CHMP3: variants seen among roughly 807,000 people sequenced by gnomAD.
The protein encoded by CHMP3 is 25.1 protein.
CHMP3 carries 8 observed loss-of-function variants against 27.4 expected under a neutral mutation model. The ratio of observed to expected loss-of-function variants is 0.29; its 90% CI spans 0.17 to 0.53. The LOEUF (loss-of-function observed/expected upper bound fraction) is 0.53, where lower values mean the gene tolerates loss of function less well. Ranked by LOEUF, CHMP3 falls within the 20% of genes least tolerant of loss-of-function variation. CHMP3 has a pLI of 0.96. For missense variants in CHMP3, 208 were observed against 271.5 expected, an observed-to-expected ratio of 0.77 and a Z score of 1.64; for synonymous variants, 86 against 85.5, an observed-to-expected ratio of 1.01 and a Z score of -0.03.
chr2:86,554,816 C>CAT (rs1553409364), intron 1 of CHMP3, among the ~76,000 whole-genome samples: 12 of 145,384 alleles, frequency 8.3e-5, no homozygotes, highest in Non-Finnish European at 1.5e-4. Flanking sequence ...TGTGTGCGCG[C>CAT]GTGTGTGTGT....
At position 86,505,852 on chromosome 2, in the gene CHMP3, T is replaced by A. The variant is rs937688635; in HGVS notation, c.621A>T (p.Glu207Asp). 4 of 1,603,444 alleles carry A rather than the reference T, an allele frequency of 2.5e-6. No homozygotes were observed. The Admixed American group carries it at 6.8e-5, about 27-fold the overall frequency. Residue 207 changes from glutamate to aspartate, a missense_variant, in exon 6 of 6, where the codon GAA (glutamate) becomes GAT (aspartate). Physicochemically the swap from Glu to Asp is conservative, Grantham distance 45. This residue lies in a region of CHMP3 where 62 missense variants were observed against 68.4 expected (regional missense o/e 0.91). Coordinates refer to ENST00000263856, the MANE Select transcript of CHMP3 (RefSeq NM_016079.4). ...MAASEDEEEE[E>D]EALEAMQSRL... Reference sequence around the variant, plus strand: ...GGGACTGCATGGCCTCCAGAGCCTCTTCCTCCTCCTCCTCATCCTCTGAGG... The same window carrying A: ...GGGACTGCATGGCCTCCAGAGCCTCATCCTCCTCCTCCTCATCCTCTGAGG...
chr2:86,532,792 C>T (rs377240311), intron 2 of CHMP3, among the ~76,000 whole-genome samples: 1 of 152,060 alleles, frequency 6.6e-6, no homozygotes, highest in African/African-American at 2.4e-5. Context: ...TCCCACTGGC[C>T]GTGATGTATA....
At chr2:86,551,702 C>A (rs904446604) in intron 1 of CHMP3, among the ~76,000 whole-genome samples, 9 of 152,196 alleles carry the variant, frequency 5.9e-5, no homozygotes, top group Admixed American at 3.3e-4. Flanking sequence ...AACTGAGCTT[C>A]CCTCTTTGCT....
intron 1 of CHMP3, among the ~76,000 whole-genome samples, chr2:86,543,218 T>C (rs1353554455): frequency 1.3e-5 from 2 of 152,230 alleles, no homozygotes. Context: ...TGGCATTTTT[T>C]AAAAGTCCAT....
chr2:86,535,994 C>CTTTTTTTTTT (rs60555193), intron 2 of CHMP3, among the ~76,000 whole-genome samples: 1 of 111,540 alleles, frequency 9.0e-6, no homozygotes, highest in African/African-American at 3.5e-5. Context: ...ATAAACCTTT[C>CTTTTTTTTTT]TTTTTTTTTT....
intron 3 of CHMP3, among the ~76,000 whole-genome samples, chr2:86,525,798 C>T (rs1364725976): frequency 1.3e-5 from 2 of 152,046 alleles, no homozygotes; most frequent in African/African-American, 4.8e-5. Context: ...AGTAGAAAGA[C>T]TGGAAGAAGA....
At chr2:86,535,876 G>A (rs1486817828) in intron 2 of CHMP3, among the ~76,000 whole-genome samples, 2 of 151,794 alleles carry the variant, frequency 1.3e-5, no homozygotes, top group African/African-American at 4.8e-5. Flanking sequence ...CCCCAGTTCA[G>A]TTACTGATGT....
At chr2:86,542,402 T>C (rs546629873) in intron 1 of CHMP3, 90 bp from the exon 2 acceptor site, 2 of 1,255,056 alleles carry the variant, frequency 1.6e-6, no homozygotes, top group African/African-American at 1.5e-5. Flanking sequence ...TCCACATTTA[T>C]TACAGACACA....
At chr2:86,534,117 T>C (rs1676031616) in intron 2 of CHMP3, among the ~76,000 whole-genome samples, 1 of 152,084 alleles carries the variant, frequency 6.6e-6, no homozygotes, top group African/African-American at 2.4e-5. Flanking sequence ...AAAGAATGTC[T>C]TGTGTATATG....
chr2:86,550,131 C>T (rs1213482147), intron 1 of CHMP3, among the ~76,000 whole-genome samples: 1 of 152,184 alleles, frequency 6.6e-6, no homozygotes, highest in Non-Finnish European at 1.5e-5. Flanking sequence ...ATCCCAGCAC[C>T]CCGGGAGGCC....
intron 3 of CHMP3, chr2:86,511,446 T>C (rs1675103644): frequency 6.6e-6 from 1 of 152,018 alleles, no homozygotes; most frequent in Non-Finnish European, 1.5e-5. Context: ...ATTAGTAGAA[T>C]GACAGAGGAA....
In CHMP3 at chr2:86,504,847, G is replaced by C. The variant is rs979137191; in HGVS notation, c.*957C>G. 1 of 152,082 alleles carries C rather than the reference G, an allele frequency of 6.6e-6. No homozygotes were observed. The highest frequency in any genetic ancestry group is 1.5e-5 in the Non-Finnish European group (1 of 67,998). The allele number at this position is 152,082 out of a possible 1,614,324, so 9.4% of individuals were successfully genotyped here. ...CCAAACTGAGCTGTTTTCCTTATTT[G>C]TAAAGACTAAGATCGCGTATGTCAA... is the stretch of plus-strand genomic sequence containing the variant. On this transcript the variant is annotated 3_prime_UTR_variant, in exon 6 of 6. Transcript: ENST00000263856.
rs761747904 is a variant in CHMP3 at position 86,507,579 on chromosome 2, C to A, written c.423G>T (p.Glu141Asp). ...TTTCAAAAGTGTCCTCTAACATCTC[C>A]TCTATGATCCCAGCCTAAACAGAAT... The part of the protein sequence containing the change: ...SKEMMKAGII[E>D]EMLEDTFESM... Residue 141 changes from glutamate to aspartate, a missense_variant, in exon 5 of 6, where the codon GAG becomes GAT. Physicochemically the swap from Glu to Asp is conservative, Grantham distance 45. Around this residue, in one of 3 missense-constraint regions of CHMP3, gnomAD observed 94 missense variants for 159.6 expected, o/e 0.59. Coordinates refer to ENST00000263856, the MANE Select transcript of CHMP3 (RefSeq NM_016079.4). The A allele has an allele frequency of 3.1e-6, 5 of 1,614,088 alleles. No homozygotes were observed. In the South Asian group the frequency reaches 5.5e-5, roughly 18 times the overall value.
chr2:86,517,086 G>A (rs186778861), intron 3 of CHMP3, among the ~76,000 whole-genome samples: 21 of 152,116 alleles, frequency 1.4e-4, no homozygotes, highest in Admixed American at 1.1e-3. Flanking sequence ...ATGTATGTGA[G>A]TCTACTATTT....
chr2:86,529,585 C>T (rs371137239), intron 2 of CHMP3, among the ~76,000 whole-genome samples, 188 bp from the exon 3 acceptor site: 1 of 152,112 alleles, frequency 6.6e-6, no homozygotes, highest in East Asian at 1.9e-4. Flanking sequence ...AAGAAAAGTA[C>T]GATCCTATTA....
intron 4 of CHMP3, 73 bp from the exon 5 acceptor site, chr2:86,507,666 G>C: frequency 7.5e-7 from 1 of 1,329,296 alleles, no homozygotes; most frequent in Non-Finnish European, 1.1e-6. Context: ...ACATCACCTA[G>C]ACCGAGCTCT....
intron 3 of CHMP3, chr2:86,511,152 T>C (rs776337493): frequency 6.6e-6 from 1 of 152,200 alleles, no homozygotes; most frequent in South Asian, 2.1e-4. Context: ...TGGAATTTCA[T>C]GAGACTTGAA....
At chr2:86,524,043 C>T (rs545233315) in intron 3 of CHMP3, among the ~76,000 whole-genome samples, 2 of 152,204 alleles carry the variant, frequency 1.3e-5, no homozygotes, top group South Asian at 4.1e-4. Context: ...ACAGCAATTA[C>T]TATGCCAGGC....
rs1676358657 is a variant in CHMP3, at chr2:86,541,500, C to G, written c.106+752G>C. On this transcript the variant is annotated intron_variant, in intron 2 of 5. Coordinates refer to ENST00000263856, the MANE Select transcript of CHMP3 (RefSeq NM_016079.4). ...AACCACTATGCTCTGCTTGGAATGT[C>G]CTTCCATGGGCTATAATCCAGAAAG... 3 of 152,100 alleles carry G rather than the reference C, an allele frequency of 2.0e-5. No individual in the cohort carries two copies. The South Asian group carries it at 6.2e-4, about 31-fold the overall frequency. The allele number at this position is 152,100 out of a possible 1,614,324, so 9.4% of individuals were successfully genotyped here.
Sources: gnomAD v4.1 joint callset for allele counts (sites outside exome capture counted in the v4.1 genomes callset) on GRCh38, gnomAD v4.1.1 for gene constraint, gnomAD v4.1.1 regional missense constraint, MANE v1.5 for transcripts, NCBI Gene and HGNC (gene_info 2026-07-23, HGNC 2026-07-21) for gene names.